Variants in VWA3B observed in about 807,000 individuals in gnomAD.
VWA3B encodes von Willebrand factor A domain-containing protein 3B.
Under a neutral mutation model 158.3 loss-of-function variants are expected in VWA3B, and 138 were observed. The ratio of observed to expected loss-of-function variants is 0.87; its 90% confidence interval spans 0.76 to 1.00. The LOEUF is 1.00. VWA3B is among the 50% of genes least tolerant of loss of function. VWA3B has a pLI of 0.00. For missense variants in VWA3B, 1,555 were observed against 1,565.1 expected (o/e 0.99, Z 0.11); for synonymous variants, 596 against 587.3 (o/e 1.01, Z -0.21).
intron 12 of VWA3B, among the ~76,000 whole-genome samples, chr2:98,208,023 C>T (rs1389038504): frequency 6.6e-6 from 1 of 151,606 alleles, no homozygotes; most frequent in Non-Finnish European, 1.5e-5. Context: ...TCAAATTTTG[C>T]TTCATGTGTT....
chr2:98,277,492 C>T (rs1442042221), intron 22 of VWA3B, among the ~76,000 whole-genome samples: 2 of 152,246 alleles, frequency 1.3e-5, no homozygotes, highest in Non-Finnish European at 2.9e-5. Flanking sequence ...CAAAAAGGCT[C>T]TCTCACCCAT....
intron 19 of VWA3B, among the ~76,000 whole-genome samples, chr2:98,240,119 G>T (rs757483638): frequency 1.3e-5 from 2 of 152,074 alleles, no homozygotes; most frequent in East Asian, 1.9e-4. Flanking sequence ...AAGGAAACAC[G>T]TTGAATAGTT....
intron 7 of VWA3B, among the ~76,000 whole-genome samples, chr2:98,135,322 TTTC>T (rs1430685436): frequency 2.2e-4 from 27 of 124,096 alleles, no homozygotes; most frequent in Admixed American, 3.8e-4. Flanking sequence ...CAAAAACATT[TTTC>T]TTTTTTTTTT....
intron 2 of VWA3B, among the ~76,000 whole-genome samples, chr2:98,108,949 A>G (rs1236401656): frequency 1.3e-5 from 2 of 149,602 alleles, no homozygotes; most frequent in East Asian, 3.9e-4. Context: ...GGTTACCTAA[A>G]CACTTTTTAG....
intron 2 of VWA3B, among the ~76,000 whole-genome samples, chr2:98,115,438 T>C (rs2104935100): frequency 6.6e-6 from 1 of 152,260 alleles, no homozygotes; most frequent in East Asian, 1.9e-4. Flanking sequence ...GAACTTAAAG[T>C]ATAATAAAGA....
rs1299591084 is a variant in VWA3B at position 98,303,791 on chromosome 2, G to A, written c.3510G>A (p.Glu1170=). Reference sequence around the variant, plus strand: ...ATATAAAGTCACCCCCAATTCCTGAGGATCCAGAAGTGTAAGTGTACTCAA... The same window carrying A: ...ATATAAAGTCACCCCCAATTCCTGAAGATCCAGAAGTGTAAGTGTACTCAA... ...CSHIKSPPIP[E]DPEVEDVEAR... is the part of the protein sequence containing the mutation. The change falls in exon 26 of 28, where the codon GAG becomes GAA. Residue 1170 remains glutamate (E), a synonymous_variant. Transcript: ENST00000477737. 6.2e-7 allele frequency: 1 copy of A among 1,614,026 alleles called. No homozygotes were observed. Among genetic ancestry groups the A allele is most frequent in the East Asian group, 2.2e-5 (1 of 44,864 alleles).
the VWA3B span, among the ~76,000 whole-genome samples, chr2:98,319,876 T>TCACACACACA: frequency 7.9e-3 from 1,158 of 147,416 alleles, 13 homozygotes; most frequent in African/African-American, 0.027. Flanking sequence ...TGAGACTCCA[T>TCACACACACA]CACACACACA....
chr2:98,099,443 G>A (rs546829001), intron 2 of VWA3B: 2 of 152,278 alleles, frequency 1.3e-5, no homozygotes, highest in South Asian at 2.1e-4. Context: ...CTGCTGAGAA[G>A]CTGGACATAT....
intron 22 of VWA3B, among the ~76,000 whole-genome samples, chr2:98,282,169 C>T (rs934869215): frequency 6.6e-6 from 1 of 152,138 alleles, no homozygotes; most frequent in East Asian, 1.9e-4. Flanking sequence ...GAAGGGATGG[C>T]ACCTCTAGCT....
chr2:98,162,608 T>C (rs1678708946), intron 7 of VWA3B, among the ~76,000 whole-genome samples: 2 of 152,252 alleles, frequency 1.3e-5, no homozygotes, highest in African/African-American at 2.4e-5. Flanking sequence ...TTCTGGCTGC[T>C]ACAAACATTT....
At chr2:98,214,458 C>T (rs749938054) in intron 13 of VWA3B, among the ~76,000 whole-genome samples, 4 of 152,066 alleles carry the variant, frequency 2.6e-5, no homozygotes, top group African/African-American at 4.8e-5. Context: ...TTTCTACCTT[C>T]GTAGAAAAGC....
intron 2 of VWA3B, among the ~76,000 whole-genome samples, chr2:98,115,181 C>A (rs867097950): frequency 1.3e-5 from 2 of 150,902 alleles, no homozygotes; most frequent in South Asian, 2.1e-4. Flanking sequence ...TTCTATTCTT[C>A]CTGTTTATTC....
intron 14 of VWA3B, among the ~76,000 whole-genome samples, chr2:98,223,382 A>G (rs1433086710): frequency 6.6e-6 from 1 of 151,938 alleles, no homozygotes; most frequent in Admixed American, 6.6e-5. Context: ...GTATCATCGG[A>G]GTCCACCAAA....
intron 9 of VWA3B, among the ~76,000 whole-genome samples, chr2:98,183,974 T>G (rs1680802292): frequency 6.6e-6 from 1 of 152,290 alleles, no homozygotes; most frequent in East Asian, 1.9e-4. Context: ...TATGGAACGC[T>G]TCTATGCTTT....
intron 6 of VWA3B, among the ~76,000 whole-genome samples, chr2:98,131,007 C>T (rs982214199): frequency 2.6e-5 from 4 of 152,140 alleles, no homozygotes; most frequent in African/African-American, 9.7e-5. Flanking sequence ...ACTTTACCAT[C>T]GGAACATTAG....
intron 16 of VWA3B, 114 bp from the exon 17 acceptor site, chr2:98,234,534 T>C (rs1574155079): frequency 4.8e-6 from 7 of 1,469,214 alleles, no homozygotes; most frequent in Admixed American, 2.0e-5. Flanking sequence ...CCTCAGAGGG[T>C]TGGGAAACAA....
intron 8 of VWA3B, among the ~76,000 whole-genome samples, chr2:98,179,955 CTCTT>C (rs1680404899): frequency 8.3e-6 from 1 of 120,694 alleles, no homozygotes; most frequent in Non-Finnish European, 1.6e-5. Context: ...TTCTCTCTTT[CTCTT>C]TCTTTCCTTC....
intron 22 of VWA3B, among the ~76,000 whole-genome samples, chr2:98,275,039 C>A (rs760425017): frequency 6.6e-6 from 1 of 152,198 alleles, no homozygotes; most frequent in Non-Finnish European, 1.5e-5. Flanking sequence ...AACCGTCTGC[C>A]ACGTGTTTGT....
intron 22 of VWA3B, among the ~76,000 whole-genome samples, chr2:98,288,474 T>C (rs1689294451): frequency 6.6e-6 from 1 of 152,236 alleles, no homozygotes; most frequent in Non-Finnish European, 1.5e-5. Flanking sequence ...TTTGCTGTGC[T>C]GCTTTGAGTG....
Sources: gnomAD v4.1 joint callset for allele counts (sites outside exome capture counted in the v4.1 genomes callset) on GRCh38, gnomAD v4.1.1 for gene constraint, MANE v1.5 for transcripts, NCBI Gene and HGNC (gene_info 2026-07-23, HGNC 2026-07-21) for gene names.